The following PLEKHM3 variants were observed in gnomAD, a reference collection of about 807,000 sequenced individuals.
PLEKHM3 encodes pleckstrin homology domain-containing family M member 3.
In PLEKHM3, 45 loss-of-function variants were observed where a neutral mutation model predicts 81.8. That is an observed-to-expected ratio of 0.55 (90% CI 0.43 to 0.71). PLEKHM3 has a LOEUF of 0.71. Ranked by LOEUF, PLEKHM3 falls within the 30% of genes least tolerant of loss-of-function variation. The probability of loss-of-function intolerance (pLI) is 0.00; values close to 1 mark genes in which losing one functional copy is unlikely to be tolerated. For synonymous variants in PLEKHM3, 352 were observed against 356.4 expected, an observed-to-expected ratio of 0.99 and a Z score of 0.14; for missense variants, 788 against 924.3, an observed-to-expected ratio of 0.85 and a Z score of 1.91.
chr2:207,939,831 G>A (rs1269149742), intron 4 of PLEKHM3, among the ~76,000 whole-genome samples: 2 of 152,186 alleles, frequency 1.3e-5, no homozygotes, highest in South Asian at 2.1e-4. Context: ...GAGGGTTTGA[G>A]TTAGTGTGGT....
chr2:207,950,706 G>C (rs1574436065), intron 3 of PLEKHM3, among the ~76,000 whole-genome samples: 1 of 152,214 alleles, frequency 6.6e-6, no homozygotes, highest in East Asian at 1.9e-4. Flanking sequence ...AGTGCAGAGG[G>C]GGTGCAGACT....
At chr2:207,858,046 T>A (rs2092445157) in intron 7 of PLEKHM3, among the ~76,000 whole-genome samples, 1 of 151,880 alleles carries the variant, frequency 6.6e-6, no homozygotes. Context: ...CAAAATATTT[T>A]AAAATTGCCC....
intron 3 of PLEKHM3, among the ~76,000 whole-genome samples, chr2:207,948,190 C>A (rs1690199545): frequency 6.6e-6 from 1 of 152,136 alleles, no homozygotes; most frequent in Non-Finnish European, 1.5e-5. Context: ...TGACAAAGGA[C>A]ATCTTGCCAC....
intron 6 of PLEKHM3, among the ~76,000 whole-genome samples, chr2:207,905,995 ATGAT>A (rs978535296): frequency 9.2e-5 from 14 of 152,252 alleles, no homozygotes; most frequent in Non-Finnish European, 1.3e-4. Context: ...AGCAGGCTGT[ATGAT>A]TCCAAATGGA....
At chr2:207,948,279 G>A (rs1404608380) in intron 3 of PLEKHM3, among the ~76,000 whole-genome samples, 1 of 151,330 alleles carries the variant, frequency 6.6e-6, no homozygotes, top group Non-Finnish European at 1.5e-5. Context: ...CATTTAGCGC[G>A]TGCCTCTTTA....
chr2:207,923,897 A>T (rs1244812035), intron 5 of PLEKHM3, among the ~76,000 whole-genome samples: 77 of 83,612 alleles, frequency 9.2e-4, no homozygotes, highest in South Asian at 2.2e-3. Flanking sequence ...ATATATATAT[A>T]TATATATATT....
At chr2:207,847,159 G>A (rs1203140016) in intron 7 of PLEKHM3, among the ~76,000 whole-genome samples, 1 of 152,194 alleles carries the variant, frequency 6.6e-6, no homozygotes, top group Non-Finnish European at 1.5e-5. Flanking sequence ...AAACACAATG[G>A]TGGCTTCAGC....
intron 4 of PLEKHM3, among the ~76,000 whole-genome samples, chr2:207,942,950 C>T (rs1689994242): frequency 6.6e-6 from 1 of 152,038 alleles, no homozygotes; most frequent in African/African-American, 2.4e-5. Context: ...AGACAAATAT[C>T]ACATATTTTC....
chr2:208,020,589 C>T (rs1265709936), intron 1 of PLEKHM3, among the ~76,000 whole-genome samples: 2 of 152,194 alleles, frequency 1.3e-5, no homozygotes, highest in Non-Finnish European at 2.9e-5. Context: ...TTTTATCACG[C>T]TCTCACTCAG....
chr2:207,909,306 G>T (rs919241046), intron 5 of PLEKHM3, among the ~76,000 whole-genome samples: 2 of 152,190 alleles, frequency 1.3e-5, no homozygotes, highest in Non-Finnish European at 2.9e-5. Context: ...TAAGCAAACA[G>T]GTTACCAAAG....
chr2:207,938,464 C>G (rs1415969163), intron 4 of PLEKHM3, among the ~76,000 whole-genome samples: 1 of 152,160 alleles, frequency 6.6e-6, no homozygotes, highest in Non-Finnish European at 1.5e-5. Context: ...GCTATTCAAG[C>G]CAGTCACGTA....
intron 6 of PLEKHM3, among the ~76,000 whole-genome samples, chr2:207,879,364 C>A (rs1406492130): frequency 6.6e-6 from 1 of 152,194 alleles, no homozygotes; most frequent in African/African-American, 2.4e-5. Flanking sequence ...CACCAGTTTG[C>A]GTCCTCTTGC....
intron 6 of PLEKHM3, among the ~76,000 whole-genome samples, chr2:207,892,636 A>G (rs952309053): frequency 6.6e-6 from 1 of 152,180 alleles, no homozygotes; most frequent in Admixed American, 6.5e-5. Flanking sequence ...CATCCTAAGC[A>G]GCTGAATCAA....
chr2:207,876,998 T>C (rs993803696), intron 6 of PLEKHM3, among the ~76,000 whole-genome samples: 9 of 152,180 alleles, frequency 5.9e-5, no homozygotes, highest in African/African-American at 2.2e-4. Context: ...CAAGGAAGTA[T>C]ATTACCCAAT....
intron 7 of PLEKHM3, among the ~76,000 whole-genome samples, chr2:207,830,776 G>A (rs1017763536): frequency 4.0e-5 from 6 of 151,730 alleles, no homozygotes; most frequent in African/African-American, 1.2e-4. Flanking sequence ...CAGAGGCAGC[G>A]CCCTGTGGGG....
intron 1 of PLEKHM3, among the ~76,000 whole-genome samples, chr2:208,013,588 G>A (rs1692775953): frequency 6.6e-6 from 1 of 151,882 alleles, no homozygotes; most frequent in South Asian, 2.1e-4. Context: ...CAGCCTCAAA[G>A]GTTCCACCAG....
At chr2:207,926,719 T>C (rs1445522373) in intron 5 of PLEKHM3, among the ~76,000 whole-genome samples, 1 of 152,218 alleles carries the variant, frequency 6.6e-6, no homozygotes, top group African/African-American at 2.4e-5. Context: ...TGACTTTTTC[T>C]AAACTAATCA....
chr2:207,879,818 G>A (rs2092577533), intron 6 of PLEKHM3, among the ~76,000 whole-genome samples: 1 of 152,148 alleles, frequency 6.6e-6, no homozygotes, highest in South Asian at 2.1e-4. Flanking sequence ...ATTGTGAAAA[G>A]CATTTTATTA....
intron 1 of PLEKHM3, among the ~76,000 whole-genome samples, chr2:208,018,093 G>T (rs546118935): frequency 6.6e-6 from 1 of 152,204 alleles, no homozygotes; most frequent in South Asian, 2.1e-4. Context: ...ATTACTCTCC[G>T]GCTGGGCGCA....
Sources: gnomAD v4.1 joint callset for allele counts (sites outside exome capture counted in the v4.1 genomes callset) on GRCh38, gnomAD v4.1.1 for gene constraint, MANE v1.5 for transcripts, NCBI Gene and HGNC (gene_info 2026-07-23, HGNC 2026-07-21) for gene names.